Variants in ADAMTS8 observed in about 807,000 individuals in gnomAD.
ADAMTS8 encodes ADAM metallopeptidase with thrombospondin type 1 motif 8, also known as A disintegrin and metalloproteinase with thrombospondin motifs 8.
Under a neutral mutation model 64.4 loss-of-function variants are expected in ADAMTS8, and 50 were observed. The observed-to-expected ratio is 0.78, with a 90% confidence interval of 0.62 to 0.98. The LOEUF is 0.98. Among genes scored for constraint, ADAMTS8 ranks in the 50% least tolerant of loss-of-function variants. The pLI, the probability that ADAMTS8 is intolerant of heterozygous loss-of-function variation, is 0.00. For missense variants in ADAMTS8, 1,192 were observed against 1,208.2 expected (o/e 0.99, Z 0.20); for synonymous variants, 556 against 533.6 (o/e 1.04, Z -0.58).
rs1281146918 is a variant in ADAMTS8, at chr11:130,428,226, GCA to G, written c.59_60del (p.Leu20ProfsTer179). 11 of 826,484 alleles carry G rather than the reference GCA, an allele frequency of 1.3e-5. No individual in the cohort carries two copies. Among genetic ancestry groups the G allele is most frequent in the Non-Finnish European group, 1.6e-5 (11 of 675,402 alleles). The allele number at this position is 826,484 out of a possible 1,614,324, so 51.2% of individuals were successfully genotyped here. A position where few individuals can be genotyped will look rare whatever the true frequency, so the allele number is the denominator to read the frequency against. On this transcript the variant is annotated frameshift_variant, in exon 1 of 9. Transcript: ENST00000257359. LOFTEE classifies it high-confidence loss of function. Reference protein sequence around the residue: ...WPPLLLLLLLLLPLARGAPAR... With the variant: ...WPPLLLLLLLXLPLARGAPAR... ...GCCGGGGCGCCGCGGGCCAGCGGCA[GCA>G]GCAGCAGCAGCAGCAGCAGGAGCGG...
At chr11:130,419,017 C>T in intron 2 of ADAMTS8, 36 bp downstream of exon 2, 2 of 1,612,534 alleles carry the variant, frequency 1.2e-6, no homozygotes, top group African/African-American at 1.3e-5. Flanking sequence ...ATCCTGTCTC[C>T]CTTCCTCCCC....
In ADAMTS8 at chr11:130,405,315, T is replaced by C; in HGVS notation, c.*243A>G. 1 of 1,312,180 alleles carries C rather than the reference T, an allele frequency of 7.6e-7. No individual in the cohort carries two copies. Among genetic ancestry groups the C allele is most frequent in the Non-Finnish European group, 9.7e-7 (1 of 1,034,764 alleles). 81.3% of individuals were successfully genotyped at this position (1,312,180 alleles called of 1,614,324 possible). On this transcript the variant is annotated 3_prime_UTR_variant, in exon 9 of 9. Transcript: ENST00000257359. ...CACTTTTACCTTTTAACCTATGCCC[T>C]CTACTTGAACCCGAGCAAGGTCCAG...
intron 1 of ADAMTS8, 45 bp downstream of exon 1, chr11:130,427,522 G>C (rs1221176864): frequency 2.0e-6 from 3 of 1,526,080 alleles, no homozygotes; most frequent in Non-Finnish European, 2.6e-6. Context: ...GGAGGCGTCT[G>C]GGGGGCCTCC....
At position 130,427,739 on chromosome 11, in the gene ADAMTS8, T is replaced by C. The variant is rs1565382366; in HGVS notation, c.548A>G (p.Gln183Arg). 1.3e-6 allele frequency: 2 copies of C among 1,596,408 alleles called. No homozygotes were observed. The highest frequency in any genetic ancestry group is 2.3e-5 in the East Asian group (1 of 43,672). Residue 183 changes from glutamine (Q) to arginine (R), a missense_variant, in exon 1 of 9, where the codon CAG becomes CGG. By Grantham distance (43) the Gln-to-Arg change is conservative (BLOSUM62 1). Transcript: ENST00000257359. ...EGQRQERGDH[Q>R]EDSEEESQEE... is the part of the protein sequence containing the mutation. ...TTGGCTCTCCTCCTCGCTGTCCTCC[T>C]GGTGGTCTCCTCTCTCCTGCCTCTG...
In ADAMTS8 at chr11:130,419,212, C is replaced by T. The variant is rs559675277; in HGVS notation, c.801G>A (p.Val267=). The stretch of plus-strand genomic sequence containing the variant: ...CATCTTCTACGATCAGCACTTTTAC[C>T]ACCATCAGGTTGATGGAATTCTTGA... ...PSIKNSINLM[V]VKVLIVEDEK... The change falls in exon 2 of 9, where the codon GTG becomes GTA. Residue 267 remains valine, a synonymous_variant. Coordinates refer to ENST00000257359, the MANE Select transcript of ADAMTS8 (RefSeq NM_007037.6). The T allele has an allele frequency of 6.2e-7, 1 of 1,614,152 alleles. No individual in the cohort carries two copies. The highest frequency in any genetic ancestry group is 1.3e-5 in the African/African-American group (1 of 75,044).
chr11:130,418,460 G>T (rs1007064192), intron 2 of ADAMTS8, among the ~76,000 whole-genome samples: 31 of 152,350 alleles, frequency 2.0e-4, no homozygotes, highest in African/African-American at 7.5e-4. Context: ...TGTCTTGGCT[G>T]GACTATGGGC....
In ADAMTS8 at chr11:130,428,141, C is replaced by T. The variant is rs772386364; in HGVS notation, c.146G>A (p.Ser49Asn). Residue 49 changes from serine to asparagine, a missense_variant, in exon 1 of 9, where the codon AGC becomes AAC. Physicochemically the swap from Ser to Asn is conservative, Grantham distance 46 (BLOSUM62 1). Transcript: ENST00000257359. ...ELVVPTRLPG[S>N]AGELALHLSA... is the part of the protein sequence containing the mutation. Reference sequence around the variant, plus strand: ...CAGGTGGAGCGCGAGCTCGCCCGCGCTGCCGGGCAACCGCGTGGGCACCAC... The same window carrying T: ...CAGGTGGAGCGCGAGCTCGCCCGCGTTGCCGGGCAACCGCGTGGGCACCAC... 4.7e-5 allele frequency: 70 copies of T among 1,490,948 alleles called. 1 individual carries two copies. In the Admixed American group the frequency reaches 1.5e-3, roughly 32 times the overall value. 92.4% of individuals were successfully genotyped at this position (1,490,948 alleles called of 1,614,324 possible).
rs1861859553 is a variant in ADAMTS8 at position 130,405,116 on chromosome 11, C to G, written c.*442G>C. On this transcript the variant is annotated 3_prime_UTR_variant, in exon 9 of 9. Coordinates refer to ENST00000257359, the MANE Select transcript of ADAMTS8 (RefSeq NM_007037.6). ...GACAGCTTGGGGTCCAGCTTTGGAG[C>G]CTGCTTTGACATTCACCATTGACTC... 2.0e-6 allele frequency: 2 copies of G among 992,648 alleles called. No homozygotes were observed. Among genetic ancestry groups the G allele is most frequent in the Non-Finnish European group, 2.4e-6 (2 of 834,722 alleles). 61.5% of individuals were successfully genotyped at this position (992,648 alleles called of 1,614,324 possible). A position where few individuals can be genotyped will look rare whatever the true frequency, so the allele number is the denominator to read the frequency against.
intron 4 of ADAMTS8, 79 bp from the exon 5 acceptor site, chr11:130,414,911 G>T: frequency 7.2e-7 from 1 of 1,396,280 alleles, no homozygotes; most frequent in Non-Finnish European, 9.5e-7. Context: ...TGTGATGGAT[G>T]GCACTGAAGG....
chr11:130,408,500 G>A lies in ADAMTS8; in HGVS notation c.2063C>T (p.Ser688Phe), dbSNP rs1488199753. 1 of 1,613,886 alleles carries A rather than the reference G, an allele frequency of 6.2e-7. No homozygotes were observed. Residue 688 changes from serine (S) to phenylalanine (F), a missense_variant, in exon 8 of 9, where the codon TCC (serine) becomes TTC (phenylalanine). Ser to Phe is a radical substitution (Grantham distance 155, BLOSUM62 -2). Transcript: ENST00000257359. ...GAGGGACCCGGAGACCTTCCTGCAG[G>A]AGTTGCCTTTGCCCCCACACACCCC... ...KCGVCGGKGN[S>F]CRKVSGSLTP...
chr11:130,411,664 C>G lies in ADAMTS8; in HGVS notation c.1567-64G>C. On this transcript the variant is annotated intron_variant, in intron 5 of 8. Transcript: ENST00000257359. The surrounding 1 kb of genome is among the most constrained non-coding windows in gnomAD (Gnocchi z 4.2). ...CCAGGAGGCTTCAGTATCTGTGTCA[C>G]TGGGTGGCCAATGCCCTGGCTTCCT... 6.4e-7 allele frequency: 1 copy of G among 1,556,134 alleles called. No homozygotes were observed.
At chr11:130,418,028 A>T (rs1180383464) in intron 2 of ADAMTS8, among the ~76,000 whole-genome samples, 1 of 151,030 alleles carries the variant, frequency 6.6e-6, no homozygotes, top group Non-Finnish European at 1.5e-5. Context: ...AAAAAAAAAA[A>T]AATTTAGCTG....
chr11:130,419,031 G>C (rs567717035), intron 2 of ADAMTS8, 22 bp downstream of exon 2: 34 of 1,613,512 alleles, frequency 2.1e-5, no homozygotes, highest in Non-Finnish European at 6.8e-6. Flanking sequence ...CCTCCCCAGG[G>C]CTTCCGGAGC....
chr11:130,417,320 G>A (rs933643697), intron 2 of ADAMTS8, among the ~76,000 whole-genome samples: 2 of 151,100 alleles, frequency 1.3e-5, no homozygotes, highest in African/African-American at 2.4e-5. Flanking sequence ...GCAGTGGCAC[G>A]ATCTCAGCTC....
Position 130,406,022 on chromosome 11 carries a change from T to C in ADAMTS8, c.2206A>G (p.Lys736Glu). 1.2e-6 allele frequency: 2 copies of C among 1,614,230 alleles called. No homozygotes were observed. Among genetic ancestry groups the C allele is most frequent in the Non-Finnish European group, 1.7e-6 (2 of 1,180,046 alleles). Residue 736 changes from lysine (K) to glutamate (E), a missense_variant, in exon 9 of 9, where the codon AAG becomes GAG. Physicochemically the swap from Lys to Glu is moderately conservative, Grantham distance 56. Around this residue, in one of 5 missense-constraint regions of ADAMTS8, gnomAD observed 290 missense variants for 297.8 expected, o/e 0.97. Coordinates refer to ENST00000257359, the MANE Select transcript of ADAMTS8 (RefSeq NM_007037.6). Reference sequence around the variant, plus strand: ...AGCAGGTACTGCCCATCAGCCGTCTTCAGCGCCAGGTAGTTCCCATCGTTC... The same window carrying C: ...AGCAGGTACTGCCCATCAGCCGTCTCCAGCGCCAGGTAGTTCCCATCGTTC... ...VQNDGNYLAL[K>E]TADGQYLLNG... is the part of the protein sequence containing the mutation.
intron 2 of ADAMTS8, among the ~76,000 whole-genome samples, chr11:130,418,554 TG>T (rs1249857868): frequency 6.6e-6 from 1 of 152,250 alleles, no homozygotes; most frequent in Non-Finnish European, 1.5e-5. Context: ...CACCAGGGCC[TG>T]CCCGATGGGG....
At position 130,428,477 on chromosome 11, in the gene ADAMTS8, C is replaced by G. The variant is rs1350836371; in HGVS notation, c.-191G>C. 9.1e-5 allele frequency: 91 copies of G among 998,602 alleles called. No homozygotes were observed. The highest frequency in any genetic ancestry group is 1.0e-4 in the Non-Finnish European group (86 of 838,894). 61.9% of individuals were successfully genotyped at this position (998,602 alleles called of 1,614,324 possible). A position where few individuals can be genotyped will look rare whatever the true frequency, so the allele number is the denominator to read the frequency against. ...GGCGGCCCCTCTGGCTGGCGCAGCC[C>G]GCTCCTCCCGCGCCGCCGCCCCCGA... On this transcript the variant is annotated 5_prime_UTR_variant, in exon 1 of 9. Transcript: ENST00000257359.
chr11:130,408,993 A>T (rs1861920666), intron 6 of ADAMTS8, 53 bp from the exon 7 acceptor site: 1 of 1,499,348 alleles, frequency 6.7e-7, no homozygotes, highest in African/African-American at 1.4e-5. Context: ...AAGCAGGAGC[A>T]TCCGGTGGAG....
Position 130,411,620 on chromosome 11 carries a change from A to G in ADAMTS8, c.1567-20T>C. ...CACGGGCTGCAACATACAATGGCAC[A>G]CTGAATGAGGAGCAAAGGCCAGGAG... On this transcript the variant is annotated intron_variant, in intron 5 of 8. Transcript: ENST00000257359. This position sits in a 1 kb window ranked among gnomAD's most constrained non-coding sequence, Gnocchi z 4.2. 1 of 1,613,190 alleles carries G rather than the reference A, an allele frequency of 6.2e-7. No individual in the cohort carries two copies. The highest frequency in any genetic ancestry group is 8.5e-7 in the Non-Finnish European group (1 of 1,179,438).
Sources: gnomAD v4.1 joint callset for allele counts (sites outside exome capture counted in the v4.1 genomes callset) on GRCh38, gnomAD v4.1.1 for gene constraint, gnomAD v4.1.1 regional missense constraint, Gnocchi (gnomAD v3.1) non-coding constraint, MANE v1.5 for transcripts, NCBI Gene and HGNC (gene_info 2026-07-23, HGNC 2026-07-21) for gene names.